GID8: variants seen among roughly 807,000 people sequenced by gnomAD.
GID8 encodes the protein GID complex subunit 8 homolog.
A neutral mutation model predicts 27.4 loss-of-function variants in GID8; 6 were observed. That is an observed-to-expected ratio of 0.22 (90% CI 0.12 to 0.43). GID8 has a LOEUF of 0.43. GID8 is among the 20% of genes least tolerant of loss of function. The pLI is 1.00. For synonymous variants in GID8, 112 were observed against 109.0 expected (o/e 1.03, Z -0.17); for missense variants, 173 against 287.6 (o/e 0.60, Z 2.88).
chr20:62,943,241 G>A lies in GID8; in HGVS notation c.315+58G>A, dbSNP rs58743382. The A allele has an allele frequency of 1.8e-5, 21 of 1,147,600 alleles. No homozygotes were observed. In the South Asian group the frequency reaches 2.9e-4, roughly 16 times the overall value. 71.1% of individuals were successfully genotyped at this position (1,147,600 alleles called of 1,614,324 possible). ...AATACTTGATAAGTTAAAGTTATTT[G>A]CAATGATTGAGAAATAACTAGGCTA... On this transcript the variant is annotated intron_variant, in intron 3 of 4. Coordinates refer to ENST00000266069, the MANE Select transcript of GID8 (RefSeq NM_017896.3). The surrounding 1 kb of genome is among the most constrained non-coding windows in gnomAD (Gnocchi z 4.7).
At position 62,945,582 on chromosome 20, in the gene GID8, C is replaced by G. The variant is rs2065462823; in HGVS notation, c.*670C>G. ...ACTTGTTCCTAGTGGATCAATGAAC[C>G]ATCTCTTCTGGGCAGTTTTGTTGAA... On this transcript the variant is annotated 3_prime_UTR_variant, in exon 5 of 5. Transcript: ENST00000266069. 4 of 1,140,910 alleles carry G rather than the reference C, an allele frequency of 3.5e-6. No individual in the cohort carries two copies. 70.7% of individuals were successfully genotyped at this position (1,140,910 alleles called of 1,614,324 possible).
At chr20:62,940,782 T>C (rs2065439795) in intron 1 of GID8, among the ~76,000 whole-genome samples, 1 of 152,244 alleles carries the variant, frequency 6.6e-6, no homozygotes, top group Non-Finnish European at 1.5e-5. Flanking sequence ...TCAGCAATGC[T>C]AAAAATCTAA....
chr20:62,939,068 T>C (rs2065424333), intron 1 of GID8, among the ~76,000 whole-genome samples: 1 of 151,890 alleles, frequency 6.6e-6, no homozygotes, highest in Non-Finnish European at 1.5e-5. Flanking sequence ...CGGTGAGCCA[T>C]GATCGCGCCA....
At chr20:62,942,500 TGTCAGG>T (rs769781224) in intron 2 of GID8, among the ~76,000 whole-genome samples, 22 of 152,186 alleles carry the variant, frequency 1.4e-4, no homozygotes, top group Non-Finnish European at 2.9e-4. Context: ...CCTATAATTA[TGTCAGG>T]GGCAGGGGAA....
rs11300197 is a variant in GID8 at position 62,943,836 on chromosome 20, CTTTT to C, written c.513+157_513+160del. The stretch of plus-strand genomic sequence containing the variant: ...GGGATGCTAAGTGGTTCCTTCATGG[CTTTT>C]TTTTTTTTTTTTGGAGGTGAAGTCT... On this transcript the variant is annotated intron_variant, in intron 4 of 4. Coordinates refer to ENST00000266069, the MANE Select transcript of GID8 (RefSeq NM_017896.3). The surrounding 1 kb of genome is among the most constrained non-coding windows in gnomAD (Gnocchi z 4.7). The C allele has an allele frequency of 7.9e-4, 404 of 509,448 alleles. No individual in the cohort carries two copies. The highest frequency in any genetic ancestry group is 1.2e-3 in the East Asian group (36 of 31,258). The allele number at this position is 509,448 out of a possible 1,614,324, so 31.6% of individuals were successfully genotyped here. A position where few individuals can be genotyped will look rare whatever the true frequency, so the allele number is the denominator to read the frequency against.
intron 2 of GID8, 63 bp downstream of exon 2, chr20:62,941,683 G>A: frequency 1.1e-6 from 1 of 901,176 alleles, no homozygotes; most frequent in South Asian, 1.3e-5. Context: ...AACACATAAG[G>A]AGTGCTGTAG....
In GID8 at chr20:62,945,117, T is replaced by C; in HGVS notation, c.*205T>C. 7.2e-7 allele frequency: 1 copy of C among 1,386,216 alleles called. No individual in the cohort carries two copies. Among genetic ancestry groups the C allele is most frequent in the Non-Finnish European group, 9.3e-7 (1 of 1,070,922 alleles). The allele number at this position is 1,386,216 out of a possible 1,614,324, so 85.9% of individuals were successfully genotyped here. A position where few individuals can be genotyped will look rare whatever the true frequency, so the allele number is the denominator to read the frequency against. ...AGGAAAGCTGCCGTCTCTTTGGCAG[T>C]CTGATGCAGAGCCTGCACTCTGGCA... On this transcript the variant is annotated 3_prime_UTR_variant, in exon 5 of 5. Coordinates refer to ENST00000266069, the MANE Select transcript of GID8 (RefSeq NM_017896.3).
Position 62,943,441 on chromosome 20 carries a change from C to G in GID8, c.316-54C>G. 2.0e-6 allele frequency: 3 copies of G among 1,522,924 alleles called. No homozygotes were observed. In the South Asian group the frequency reaches 3.4e-5, roughly 17 times the overall value. The allele number at this position is 1,522,924 out of a possible 1,614,324, so 94.3% of individuals were successfully genotyped here. ...TGATTGGGACCTGGTACCACCTGCC[C>G]TAAGTCCCTGGCCTGGGTGTGTGGG... On this transcript the variant is annotated intron_variant, in intron 3 of 4. Coordinates refer to ENST00000266069, the MANE Select transcript of GID8 (RefSeq NM_017896.3). This position sits in a 1 kb window ranked among gnomAD's most constrained non-coding sequence, Gnocchi z 4.7.
At position 62,944,654 on chromosome 20, in the gene GID8, T is replaced by C. The variant is rs1049964965; in HGVS notation, c.514-85T>C. ...GAGTGTCTCGCAGTTAAGAGCTTAA[T>C]GTTTGTTTAAACTGCCTCTTTTTAA... On this transcript the variant is annotated intron_variant, in intron 4 of 4. Transcript: ENST00000266069. The C allele has an allele frequency of 1.6e-4, 150 of 913,480 alleles. 1 individual carries two copies. The East Asian group carries it at 3.6e-3, about 22-fold the overall frequency. The allele number at this position is 913,480 out of a possible 1,614,324, so 56.6% of individuals were successfully genotyped here.
chr20:62,939,223 G>A (rs558506398), intron 1 of GID8, among the ~76,000 whole-genome samples: 1 of 152,136 alleles, frequency 6.6e-6, no homozygotes, highest in African/African-American at 2.4e-5. Flanking sequence ...ATGGGTGTTC[G>A]TGTGTGACAG....
chr20:62,947,331 TTTC>T lies in GID8; in HGVS notation c.*2422_*2424del, dbSNP rs1185830704. The stretch of plus-strand genomic sequence containing the variant: ...TCTTCCAAGGAAGTGCTTTGCACAC[TTTC>T]TTTGCTCCTTTTTACAGTCTTTGTC... On this transcript the variant is annotated 3_prime_UTR_variant, in exon 5 of 5. Transcript: ENST00000266069. 3 of 152,234 alleles carry T rather than the reference TTTC, an allele frequency of 2.0e-5. No homozygotes were observed. Among genetic ancestry groups the T allele is most frequent in the Non-Finnish European group, 2.9e-5 (2 of 68,034 alleles). 9.4% of individuals were successfully genotyped at this position (152,234 alleles called of 1,614,324 possible).
chr20:62,941,616 C>A lies in GID8; in HGVS notation c.114C>A (p.Val38=). 6.6e-7 allele frequency: 1 copy of A among 1,504,252 alleles called. No homozygotes were observed. The highest frequency in any genetic ancestry group is 1.1e-5 in the South Asian group (1 of 88,976). 93.2% of individuals were successfully genotyped at this position (1,504,252 alleles called of 1,614,324 possible). ...ACCGCCTCATCATGAACTACCTGGT[C>A]ACAGGTAATGGCTTACAGTGAGGAT... ...DMNRLIMNYL[V]TEGFKEAAEK... is the part of the protein sequence containing the mutation. Residue 38 remains valine, a synonymous_variant, in exon 2 of 5, where the codon GTC becomes GTA. Transcript: ENST00000266069.
chr20:62,942,118 C>T (rs776250365), intron 2 of GID8, among the ~76,000 whole-genome samples: 9 of 152,186 alleles, frequency 5.9e-5, no homozygotes, highest in Non-Finnish European at 1.0e-4. Flanking sequence ...AAAAATCTCC[C>T]TCCTGTTAGT....
chr20:62,945,906 C>T lies in GID8; in HGVS notation c.*994C>T, dbSNP rs1210578166. The T allele has an allele frequency of 7.8e-7, 1 of 1,289,548 alleles. No individual in the cohort carries two copies. The highest frequency in any genetic ancestry group is 1.0e-6 in the Non-Finnish European group (1 of 988,858). The allele number at this position is 1,289,548 out of a possible 1,614,324, so 79.9% of individuals were successfully genotyped here. On this transcript the variant is annotated 3_prime_UTR_variant, in exon 5 of 5. Coordinates refer to ENST00000266069, the MANE Select transcript of GID8 (RefSeq NM_017896.3). ...GCCCTCCAGCATCTCGGCAGCATCT[C>T]ATCCTCCATCGTCAGCTGGCTCTGC...
Position 62,941,640 on chromosome 20 carries a change from A to T in GID8, c.118+20A>T, listed in dbSNP as rs1299231391. On this transcript the variant is annotated intron_variant, in intron 2 of 4. Coordinates refer to ENST00000266069, the MANE Select transcript of GID8 (RefSeq NM_017896.3). Reference sequence around the variant, plus strand: ...TCACAGGTAATGGCTTACAGTGAGGATGCTGTTGCATGAATGTGATTCTCC... The same window carrying T: ...TCACAGGTAATGGCTTACAGTGAGGTTGCTGTTGCATGAATGTGATTCTCC... 4.0e-6 allele frequency: 5 copies of T among 1,248,428 alleles called. No individual in the cohort carries two copies. Among genetic ancestry groups the T allele is most frequent in the Middle Eastern group, 1.9e-4 (1 of 5,398 alleles). The allele number at this position is 1,248,428 out of a possible 1,614,324, so 77.3% of individuals were successfully genotyped here. A position where few individuals can be genotyped will look rare whatever the true frequency, so the allele number is the denominator to read the frequency against.
chr20:62,939,585 G>A (rs2065429637), intron 1 of GID8, among the ~76,000 whole-genome samples: 1 of 151,982 alleles, frequency 6.6e-6, no homozygotes, highest in South Asian at 2.1e-4. Flanking sequence ...CTTATTTGTG[G>A]CCCCATCTTG....
At position 62,947,386 on chromosome 20, in the gene GID8, C is replaced by G. The variant is rs2065471044; in HGVS notation, c.*2474C>G. The stretch of plus-strand genomic sequence containing the variant: ...TTGCAGCAAGCAAATGAAATTAAGC[C>G]ACTTTGGGATAATGAACATTCAGTA... On this transcript the variant is annotated 3_prime_UTR_variant, in exon 5 of 5. Transcript: ENST00000266069. 6.6e-6 allele frequency: 1 copy of G among 152,452 alleles called. No homozygotes were observed. The highest frequency in any genetic ancestry group is 2.4e-5 in the African/African-American group (1 of 41,474). The allele number at this position is 152,452 out of a possible 1,614,324, so 9.4% of individuals were successfully genotyped here.
chr20:62,941,170 C>A (rs1204301725), intron 1 of GID8, among the ~76,000 whole-genome samples: 1 of 152,182 alleles, frequency 6.6e-6, no homozygotes, highest in African/African-American at 2.4e-5. Flanking sequence ...TTTGGTGCAT[C>A]CTGGTGAGTT....
rs760203957 is a variant in GID8 at position 62,943,728 on chromosome 20, C to T, written c.513+36C>T. 3.3e-6 allele frequency: 5 copies of T among 1,533,578 alleles called. No homozygotes were observed. Among genetic ancestry groups the T allele is most frequent in the Non-Finnish European group, 4.5e-6 (5 of 1,108,750 alleles). 95.0% of individuals were successfully genotyped at this position (1,533,578 alleles called of 1,614,324 possible). ...CCAGAGGGAAGCTTTCTTCCATTCC[C>T]CATGTGCTCTGAGGGGGCTTCGTGA... On this transcript the variant is annotated intron_variant, in intron 4 of 4. Transcript: ENST00000266069. The surrounding 1 kb of genome is among the most constrained non-coding windows in gnomAD (Gnocchi z 4.7).
Sources: allele counts gnomAD v4.1 joint callset (sites outside exome capture counted in the v4.1 genomes callset), GRCh38; gene constraint gnomAD v4.1.1; non-coding constraint Gnocchi (gnomAD v3.1); transcripts MANE v1.5; gene names NCBI Gene and HGNC (gene_info 2026-07-23, HGNC 2026-07-21).